Variants in DMD observed in about 807,000 individuals in gnomAD.
DMD encodes the protein dystrophin.
A neutral mutation model predicts 330.1 loss-of-function variants in DMD; 63 were observed. The observed-to-expected ratio is 0.19, with a 90% confidence interval of 0.16 to 0.24. The LOEUF is 0.24. Among genes scored for constraint, DMD ranks in the 10% least tolerant of loss-of-function variants. The pLI is 1.00. For synonymous variants in DMD, 1,223 were observed against 959.8 expected (o/e 1.27, Z -5.07); for missense variants, 3,344 against 2,684.1 (o/e 1.25, Z -5.43).
At chrX:32,459,466 T>A (rs1461961905) in intron 25 of DMD, among the ~76,000 whole-genome samples, 1 of 111,301 alleles carries the variant, frequency 9.0e-6, no homozygotes, top group African/African-American at 3.3e-5. Flanking sequence ...GTATCTTATA[T>A]ACATGTTATC....
chrX:32,407,080 C>T (rs1354848719), intron 30 of DMD, among the ~76,000 whole-genome samples: 12 of 111,204 alleles, frequency 1.1e-4, no homozygotes, highest in Admixed American at 3.8e-4. Context: ...GACTTCATGA[C>T]GAAAACAACA....
intron 62 of DMD, among the ~76,000 whole-genome samples, chrX:31,306,361 T>C (rs1484880618): frequency 8.9e-6 from 1 of 111,843 alleles, no homozygotes; most frequent in Non-Finnish European, 1.9e-5. Context: ...TGAAATTATG[T>C]AAGGGCATAC....
chrX:32,333,629 T>C (rs974666851), intron 41 of DMD, among the ~76,000 whole-genome samples: 1 of 111,452 alleles, frequency 9.0e-6, no homozygotes, highest in Admixed American at 9.6e-5. Flanking sequence ...AATCGGAGTA[T>C]TGGAATTTCT....
chrX:31,250,333 T>C (rs2049224643), intron 63 of DMD, among the ~76,000 whole-genome samples: 1 of 111,826 alleles, frequency 8.9e-6, no homozygotes, highest in Non-Finnish European at 1.9e-5. Context: ...ACACAATGAT[T>C]TCTATGCTTT....
At chrX:33,235,508 A>G (rs1279535655) in intron 1 of DMD, among the ~76,000 whole-genome samples, 3 of 112,169 alleles carry the variant, frequency 2.7e-5, no homozygotes, top group Non-Finnish European at 5.6e-5. Context: ...CCTGTTTTTT[A>G]ATTTGTTAGT....
intron 13 of DMD, among the ~76,000 whole-genome samples, chrX:32,589,449 C>T (rs2054642599): frequency 9.1e-6 from 1 of 109,324 alleles, no homozygotes; most frequent in Non-Finnish European, 1.9e-5. Flanking sequence ...TATGTATATA[C>T]ATATATATAC....
chrX:32,622,526 C>A (rs2058064643), intron 11 of DMD, among the ~76,000 whole-genome samples: 1 of 111,721 alleles, frequency 9.0e-6, no homozygotes. Flanking sequence ...AATCTGACCA[C>A]TCTTGATCAT....
At chrX:33,052,368 C>CT (rs1308108249) in intron 1 of DMD, among the ~76,000 whole-genome samples, 3 of 112,004 alleles carry the variant, frequency 2.7e-5, no homozygotes, top group Non-Finnish European at 5.6e-5. Flanking sequence ...ACGAGAATGA[C>CT]TTTTTTTCTC....
Position 32,455,645 on chromosome X carries a change from A to G in DMD, c.3433-813T>C, listed in dbSNP as rs1304081187. Among the ~76,000 whole-genome samples the G allele has an allele frequency of 6.3e-5, 7 of 111,289 alleles. 1 individual carries two copies. Among genetic ancestry groups the G allele is most frequent in the Non-Finnish European group, 1.9e-5 (1 of 52,655 alleles). ...CAAAGTGTAGAGACTAACATGTACA[A>G]TATTTAATTCAGCTTTAAAGACCAA... On this transcript the variant is annotated intron_variant, in intron 25 of 78. Coordinates refer to ENST00000357033, the MANE Select transcript of DMD (RefSeq NM_004006.3).
chrX:32,444,273 C>T (rs973739476), intron 27 of DMD, among the ~76,000 whole-genome samples: 3 of 109,963 alleles, frequency 2.7e-5, no homozygotes, highest in South Asian at 3.8e-4. Flanking sequence ...CCATAACAAA[C>T]GGAAACTTAA....
At chrX:32,939,547 A>G (rs2090256618) in intron 2 of DMD, among the ~76,000 whole-genome samples, 1 of 111,747 alleles carries the variant, frequency 8.9e-6, no homozygotes, top group East Asian at 2.8e-4. Context: ...AATAAAAACC[A>G]TTAAGTTCAT....
intron 53 of DMD, among the ~76,000 whole-genome samples, chrX:31,678,502 T>C (rs1037450751): frequency 8.9e-6 from 1 of 112,214 alleles, no homozygotes; most frequent in Non-Finnish European, 1.9e-5. Context: ...TGATAAAACA[T>C]AGTTATTAAG....
At chrX:31,358,595 T>A (rs769847797) in intron 60 of DMD, among the ~76,000 whole-genome samples, 1 of 112,503 alleles carries the variant, frequency 8.9e-6, no homozygotes, top group African/African-American at 3.2e-5. Context: ...GTCACTGCGT[T>A]TTTGGGATTT....
At chrX:33,202,689 A>G (rs2051344434) in intron 1 of DMD, among the ~76,000 whole-genome samples, 1 of 111,978 alleles carries the variant, frequency 8.9e-6, no homozygotes, top group African/African-American at 3.2e-5. Flanking sequence ...ATGCCTATTT[A>G]TAAAAATGGA....
At chrX:32,399,188 G>A (rs541472216) in intron 30 of DMD, among the ~76,000 whole-genome samples, 2 of 111,848 alleles carry the variant, frequency 1.8e-5, no homozygotes, top group African/African-American at 6.5e-5. Context: ...AGAAATTCTT[G>A]AACCATACCA....
chrX:32,436,078 G>T (rs951109709), intron 29 of DMD, among the ~76,000 whole-genome samples: 2 of 111,913 alleles, frequency 1.8e-5, no homozygotes, highest in African/African-American at 6.5e-5. Context: ...ACTGGCTATA[G>T]ACTTGTTCTG....
At chrX:32,858,066 A>G (rs1283127904) in intron 2 of DMD, among the ~76,000 whole-genome samples, 1 of 110,710 alleles carries the variant, frequency 9.0e-6, no homozygotes, top group Non-Finnish European at 1.9e-5. Flanking sequence ...CACAGAGTCA[A>G]TGATATATTA....
At chrX:31,260,918 G>A in intron 63 of DMD, 37 bp downstream of exon 63, 1 of 1,170,889 alleles carries the variant, frequency 8.5e-7, no homozygotes, top group African/African-American at 1.8e-5. Context: ...AAGGTCACCT[G>A]TCATTTAACT....
rs780281148 is a variant in DMD, at chrX:33,335,229, A to G, written c.7+4030T>C. 3.7e-3 allele frequency among the ~76,000 whole-genome samples: 411 copies of G among 110,212 alleles called. 1 individual carries two copies. Among genetic ancestry groups the G allele is most frequent in the Non-Finnish European group, 6.0e-3 (316 of 52,532 alleles). On this transcript the variant is annotated intron_variant, in intron 1 of 17. Coordinates refer to the DMD transcript ENST00000288447. ...CATGGTGTCCTTCTAAAATATGTAT[A>G]TATTACCACATATAATATATACATA...
Sources: allele counts gnomAD v4.1 joint callset (sites outside exome capture counted in the v4.1 genomes callset), GRCh38; gene constraint gnomAD v4.1.1; transcripts MANE v1.5; gene names NCBI Gene and HGNC (gene_info 2026-07-23, HGNC 2026-07-21).